The following PLAUR variants were observed in gnomAD, a reference collection of about 807,000 sequenced individuals.
PLAUR encodes the protein plasminogen activator, urokinase receptor.
PLAUR carries 22 observed loss-of-function variants against 33.4 expected under a neutral mutation model. The observed-to-expected ratio is 0.66, with a 90% CI of 0.47 to 0.94. The LOEUF (loss-of-function observed/expected upper bound fraction) is 0.94. Among genes scored for constraint, PLAUR ranks in the 40% least tolerant of loss-of-function variants. PLAUR has a pLI of 0.00. For missense variants in PLAUR, 408 were observed against 434.7 expected (o/e 0.94, Z 0.55); for synonymous variants, 148 against 167.3 (o/e 0.88, Z 0.89).
intron 3 of PLAUR, among the ~76,000 whole-genome samples, chr19:43,660,035 T>TC (rs1974379702): frequency 6.6e-6 from 1 of 152,246 alleles, no homozygotes; most frequent in Admixed American, 6.5e-5. Context: ...GTTGGATTTT[T>TC]CTCTTGGTTT....
At chr19:43,668,187 C>G in intron 1 of PLAUR, 1 of 987,668 alleles carries the variant, frequency 1.0e-6, no homozygotes, top group Non-Finnish European at 1.2e-6. Flanking sequence ...CTGGTTCTAC[C>G]CGGCTCCAGA....
At chr19:43,662,220 G>A (rs540442115) in intron 3 of PLAUR, among the ~76,000 whole-genome samples, 10 of 152,160 alleles carry the variant, frequency 6.6e-5, no homozygotes, top group Admixed American at 4.6e-4. Context: ...AATGGGGGCC[G>A]GGCGCGGTGG....
At chr19:43,665,507 C>A (rs748554057) in intron 2 of PLAUR, 48 bp from the exon 3 acceptor site, 2 of 1,601,454 alleles carry the variant, frequency 1.2e-6, no homozygotes, top group Non-Finnish European at 1.7e-6. Context: ...CTCAGCTCAA[C>A]CAGCCTCTGA....
chr19:43,652,044 T>C, intron 6 of PLAUR, 181 bp downstream of exon 6: 1 of 1,378,552 alleles, frequency 7.3e-7, no homozygotes, highest in South Asian at 1.6e-5. Context: ...ATGGCAAAAA[T>C]GTCCACATCC....
rs982228528 is a variant in PLAUR, at chr19:43,656,538, C to T, written c.413G>A (p.Arg138His). ...ERGRHQSLQC[R>H]SPEEQCLDVV... ...ATCCAGGCACTGTTCTTCAGGGCTG[C>T]GGCACTGCAGGCTCTGGTGCCGGCC... The change falls in exon 4 of 7, where the codon CGC (arginine) becomes CAC (histidine). Residue 138 changes from arginine (R) to histidine (H), a missense_variant. By Grantham distance (29) the Arg-to-His change is conservative. Coordinates refer to ENST00000340093, the MANE Select transcript of PLAUR (RefSeq NM_002659.4). 6.2e-6 allele frequency: 10 copies of T among 1,611,494 alleles called. No homozygotes were observed. Among genetic ancestry groups the T allele is most frequent in the Middle Eastern group, 1.6e-4 (1 of 6,072 alleles).
In PLAUR at chr19:43,667,580, C is replaced by A. The variant is rs1448470949; in HGVS notation, c.166+1G>T. 6.2e-7 allele frequency: 1 copy of A among 1,604,300 alleles called. No individual in the cohort carries two copies. The highest frequency in any genetic ancestry group is 8.5e-7 in the Non-Finnish European group (1 of 1,171,328). On this transcript the variant is annotated splice_donor_variant, in intron 2 of 6. Coordinates refer to ENST00000340093, the MANE Select transcript of PLAUR (RefSeq NM_002659.4). LOFTEE classifies it high-confidence loss of function. ...GGTGTGTGGGTTGGGGGGAAGCTCA[C>A]CTTCCCACAAGCGCACGATCGTGGT...
chr19:43,649,637 G>A (rs1042955693), intron 6 of PLAUR, among the ~76,000 whole-genome samples: 1 of 147,806 alleles, frequency 6.8e-6, no homozygotes, highest in Non-Finnish European at 1.5e-5. Context: ...GAAAGAAAGA[G>A]AGAGAGAGGG....
At chr19:43,646,525 A>G (rs138522808), downstream of PLAUR, 38 of 717,848 alleles carry the variant, frequency 5.3e-5, no homozygotes, top group African/African-American at 6.3e-4. Flanking sequence ...TTACATGGCA[A>G]CCAGCTTCCC....
rs1600109847 is a variant in PLAUR at position 43,649,074 on chromosome 19, C to T, written c.824G>A (p.Gly275Asp). 1 of 1,614,182 alleles carries T rather than the reference C, an allele frequency of 6.2e-7. No individual in the cohort carries two copies. The highest frequency in any genetic ancestry group is 8.5e-7 in the Non-Finnish European group (1 of 1,180,022). The stretch of plus-strand genomic sequence containing the variant: ...AATGTGGTTCATGCTGAAGGCGTCA[C>T]CCAGGTGGGCATGTTGGCACATTGA... ...TASMCQHAHL[G>D]DAFSMNHIDV... Residue 275 changes from glycine (G) to aspartate (D), a missense_variant, in exon 7 of 7, where the codon GGT becomes GAT. Physicochemically the swap from Gly to Asp is moderately conservative, Grantham distance 94 (BLOSUM62 -1). Coordinates refer to ENST00000340093, the MANE Select transcript of PLAUR (RefSeq NM_002659.4).
intron 4 of PLAUR, 77 bp from the exon 5 acceptor site, chr19:43,655,650 G>A (rs1974179547): frequency 6.7e-6 from 9 of 1,342,750 alleles, no homozygotes; most frequent in African/African-American, 1.4e-5. Flanking sequence ...CGAAATAGCA[G>A]GCATTCAACC....
At chr19:43,648,385 T>C (rs1973860785), downstream of PLAUR, among the ~76,000 whole-genome samples, 1 of 152,102 alleles carries the variant, frequency 6.6e-6, no homozygotes, top group Non-Finnish European at 1.5e-5. Flanking sequence ...GTGGTGTTTG[T>C]TCAAGATGGC....
chr19:43,649,689 G>A (rs749799414), intron 6 of PLAUR, among the ~76,000 whole-genome samples: 6 of 149,732 alleles, frequency 4.0e-5, no homozygotes, highest in Non-Finnish European at 8.9e-5. Context: ...AGGAAGGGAG[G>A]AAGGAAGGAA....
At chr19:43,658,492 ACTAC>A (rs1027146452) in intron 3 of PLAUR, among the ~76,000 whole-genome samples, 1 of 152,168 alleles carries the variant, frequency 6.6e-6, no homozygotes, top group Admixed American at 6.5e-5. Context: ...TAGATAATAC[ACTAC>A]CTAATTGTCC....
downstream of PLAUR, chr19:43,648,522 C>T: frequency 4.1e-6 from 4 of 968,858 alleles, no homozygotes; most frequent in Middle Eastern, 5.2e-4. Context: ...AAAAGGTGTC[C>T]CCCACCATTT....
chr19:43,662,493 C>T (rs1600137032), intron 3 of PLAUR, among the ~76,000 whole-genome samples: 1 of 152,036 alleles, frequency 6.6e-6, no homozygotes, highest in African/African-American at 2.4e-5. Flanking sequence ...AGCGAAACTC[C>T]ATCTCAAAAA....
At chr19:43,660,349 A>G (rs1410481509) in intron 3 of PLAUR, among the ~76,000 whole-genome samples, 8 of 142,374 alleles carry the variant, frequency 5.6e-5, no homozygotes, top group Non-Finnish European at 1.1e-4. Context: ...TTTTTTTTGT[A>G]TCTTTAGTAG....
downstream of PLAUR, among the ~76,000 whole-genome samples, chr19:43,647,903 G>A (rs1160285129): frequency 6.6e-6 from 1 of 150,390 alleles, no homozygotes; most frequent in Non-Finnish European, 1.5e-5. Flanking sequence ...AAACCAACCT[G>A]AGGGGGGCTT....
intron 6 of PLAUR, 32 bp downstream of exon 6, chr19:43,652,193 G>A (rs1187579001): frequency 1.9e-6 from 3 of 1,611,928 alleles, no homozygotes; most frequent in East Asian, 2.2e-5. Flanking sequence ...CCCCCAATAA[G>A]TGTTCCCTCC....
intron 6 of PLAUR, among the ~76,000 whole-genome samples, chr19:43,650,181 T>G (rs1568550785): frequency 1.3e-5 from 2 of 151,580 alleles, no homozygotes; most frequent in East Asian, 3.9e-4. Flanking sequence ...CAGCTAATTT[T>G]TGTATTTCTA....
Sources: allele counts gnomAD v4.1 joint callset (sites outside exome capture counted in the v4.1 genomes callset), GRCh38; gene constraint gnomAD v4.1.1; transcripts MANE v1.5; gene names NCBI Gene and HGNC (gene_info 2026-07-23, HGNC 2026-07-21).